Variants in TMEM131L observed in about 807,000 individuals in gnomAD.
The protein encoded by TMEM131L is transmembrane 131 like.
TMEM131L carries 54 observed loss-of-function variants against 192.2 expected under a neutral mutation model. The ratio of observed to expected loss-of-function variants is 0.28; its 90% CI spans 0.23 to 0.35. The LOEUF is 0.35. TMEM131L is among the 10% of genes least tolerant of loss of function. The pLI, the probability that TMEM131L is intolerant of heterozygous loss-of-function variation, is 1.00. For synonymous variants in TMEM131L, 701 were observed against 704.9 expected, an observed-to-expected ratio of 0.99 and a Z score of 0.09; for missense variants, 1,888 against 1,972.9, an observed-to-expected ratio of 0.96 and a Z score of 0.82.
rs976445928 is a variant in TMEM131L at position 153,466,395 on chromosome 4, A to G, written c.-3A>G. 5.4e-5 allele frequency: 72 copies of G among 1,322,602 alleles called. 1 individual carries two copies. The highest frequency in any genetic ancestry group is 6.4e-5 in the Non-Finnish European group (66 of 1,032,426). The allele number at this position is 1,322,602 out of a possible 1,614,324, so 81.9% of individuals were successfully genotyped here. On this transcript the variant is annotated 5_prime_UTR_variant, in exon 1 of 35. Transcript: ENST00000409959. ...AGCAACGGAGAGGAGCGCGAGCAGC[A>G]GCATGGCGGGGCTCCGACGCCCGCA...
rs765991460 is a variant in TMEM131L, at chr4:153,636,563, G to C, written c.4820G>C (p.Cys1607Ser). Reference protein sequence around the residue: ...NFPLSRDSSYCGNV With the variant: ...NFPLSRDSSYSGNV ...CCACTGTCTAGAGACTCGAGTTACT[G>C]TGGGAATGTGTGAAAATAATTGGAT... The change falls in exon 35 of 35, where the codon TGT (cysteine) becomes TCT (serine). Residue 1607 changes from cysteine to serine, a missense_variant. Physicochemically the swap from Cys to Ser is moderately radical, Grantham distance 112 (BLOSUM62 -1). Coordinates refer to ENST00000409959, the MANE Select transcript of TMEM131L (RefSeq NM_001131007.2). 1 of 1,610,696 alleles carries C rather than the reference G, an allele frequency of 6.2e-7. No homozygotes were observed. Among genetic ancestry groups the C allele is most frequent in the South Asian group, 1.1e-5 (1 of 90,896 alleles).
intron 11 of TMEM131L, among the ~76,000 whole-genome samples, chr4:153,583,950 GAGTCT>G (rs1310973696): frequency 6.6e-6 from 1 of 152,236 alleles, no homozygotes; most frequent in Non-Finnish European, 1.5e-5. Context: ...TTTTTGACAG[GAGTCT>G]ATGCAGGCTG....
rs372748910 is a variant in TMEM131L at position 153,581,416 on chromosome 4, C to G, written c.748C>G (p.Leu250Val). ...CTCCTTCCAACCATAGGGTTGTTAT[C>G]TGGAATCTGATGATGTTTTGCGTCT... ...KVCQQLKGCY[L>V]ESDDVLRLQM... The change falls in exon 9 of 35, where the codon CTG becomes GTG. Residue 250 changes from leucine (L) to valine (V), a missense_variant. Leu to Val is a conservative substitution (Grantham distance 32). Transcript: ENST00000409959. The G allele has an allele frequency of 6.5e-7, 1 of 1,548,144 alleles. No homozygotes were observed. Among genetic ancestry groups the G allele is most frequent in the African/African-American group, 1.4e-5 (1 of 71,850 alleles).
chr4:153,510,592 G>T (rs1272339843), intron 3 of TMEM131L, among the ~76,000 whole-genome samples: 1 of 152,178 alleles, frequency 6.6e-6, no homozygotes, highest in Non-Finnish European at 1.5e-5. Flanking sequence ...TTTGCATTCA[G>T]TAAAATTGGG....
intron 7 of TMEM131L, among the ~76,000 whole-genome samples, chr4:153,566,137 CTTTT>C (rs774119161): frequency 7.0e-6 from 1 of 142,788 alleles, no homozygotes; most frequent in Admixed American, 7.0e-5. Flanking sequence ...ATGTGGGAAA[CTTTT>C]TTTTTTTTTT....
Position 153,620,769 on chromosome 4 carries a change from A to G in TMEM131L, c.3581A>G (p.Tyr1194Cys), listed in dbSNP as rs1399020102. ...DIPFVEQEDPYRKKKLQEKRE... is the reference protein window; with the variant it reads ...DIPFVEQEDPCRKKKLQEKRE... ...TCTCTTCTTTAGCAAGAAGATCCTT[A>G]TAGGAAGAAAAAGCTTCAGGAGAAA... Residue 1194 changes from tyrosine (Y) to cysteine (C), a missense_variant, in exon 27 of 35, where the codon TAT becomes TGT. Coordinates refer to ENST00000409959, the MANE Select transcript of TMEM131L (RefSeq NM_001131007.2). 6.5e-7 allele frequency: 1 copy of G among 1,532,290 alleles called. No homozygotes were observed. The highest frequency in any genetic ancestry group is 8.9e-7 in the Non-Finnish European group (1 of 1,120,322). The allele number at this position is 1,532,290 out of a possible 1,614,324, so 94.9% of individuals were successfully genotyped here.
chr4:153,498,209 GT>G (rs1324546962), intron 3 of TMEM131L, among the ~76,000 whole-genome samples: 2 of 152,194 alleles, frequency 1.3e-5, no homozygotes, highest in East Asian at 3.9e-4. Context: ...AGAGCCAGGG[GT>G]TTGGGGGAGT....
At chr4:153,469,181 C>G (rs549154542) in intron 2 of TMEM131L, among the ~76,000 whole-genome samples, 1 of 152,262 alleles carries the variant, frequency 6.6e-6, no homozygotes, top group South Asian at 2.1e-4. Flanking sequence ...TATAGCTAAG[C>G]TATTTTAATC....
In TMEM131L at chr4:153,586,289, T is replaced by G. The variant is rs751929693; in HGVS notation, c.1392T>G (p.Ile464Met). The change falls in exon 14 of 35, where the codon ATT becomes ATG. Residue 464 changes from isoleucine to methionine, a missense_variant. By Grantham distance (10) the Ile-to-Met change is conservative (BLOSUM62 1). Transcript: ENST00000409959. ...IFSLKLAVKD[I>M]AINLFTNVFL... ...CTTTGAAACTTGCTGTTAAAGACATTGCCATAAATCTATTCACCAATGTAT... is the reference window on the plus strand; with the variant it reads ...CTTTGAAACTTGCTGTTAAAGACATGGCCATAAATCTATTCACCAATGTAT... 6 of 1,604,752 alleles carry G rather than the reference T, an allele frequency of 3.7e-6. No homozygotes were observed. The East Asian group carries it at 1.4e-4, about 36-fold the overall frequency.
intron 31 of TMEM131L, among the ~76,000 whole-genome samples, chr4:153,630,193 T>A (rs1046206101): frequency 6.6e-6 from 1 of 152,238 alleles, no homozygotes; most frequent in Admixed American, 6.5e-5. Context: ...GATTTTCACA[T>A]GCGTACATCA....
intron 3 of TMEM131L, among the ~76,000 whole-genome samples, chr4:153,488,828 C>A (rs1406095666): frequency 1.3e-5 from 2 of 152,210 alleles, no homozygotes; most frequent in African/African-American, 4.8e-5. Context: ...TCCGCCCTCG[C>A]CTTTTCCTAG....
At position 153,603,870 on chromosome 4, in the gene TMEM131L, C is replaced by T; in HGVS notation, c.2858C>T (p.Pro953Leu). The change falls in exon 25 of 35, where the codon CCA becomes CTA. Residue 953 changes from proline (P) to leucine (L), a missense_variant. Physicochemically the swap from Pro to Leu is moderately conservative, Grantham distance 98 (BLOSUM62 -3). Transcript: ENST00000409959. ...SDKGRGKNCLPVNTPQSRIQN... is the reference protein window; with the variant it reads ...SDKGRGKNCLLVNTPQSRIQN... ...AAAGGCAGGGGGAAGAACTGCCTTCCAGTGAACACTCCCCAAAGCAGGATC... is the reference window on the plus strand; with the variant it reads ...AAAGGCAGGGGGAAGAACTGCCTTCTAGTGAACACTCCCCAAAGCAGGATC... 1.2e-6 allele frequency: 2 copies of T among 1,613,910 alleles called. No homozygotes were observed. Among genetic ancestry groups the T allele is most frequent in the Admixed American group, 1.7e-5 (1 of 59,976 alleles).
chr4:153,580,847 C>T lies in TMEM131L; in HGVS notation c.682C>T (p.Leu228Phe), dbSNP rs372968906. ...TTAGGCAGAAACCACTAATACTAGC[C>T]TCTTGCAGGTGCAACTGGAATGCAG... ...QMQAETTNTS[L>F]LQVQLECSLH... is the part of the protein sequence containing the mutation. Residue 228 changes from leucine to phenylalanine, a missense_variant, in exon 8 of 35, where the codon CTC (leucine) becomes TTC (phenylalanine). Physicochemically the swap from Leu to Phe is conservative, Grantham distance 22. Coordinates refer to ENST00000409959, the MANE Select transcript of TMEM131L (RefSeq NM_001131007.2). 6.2e-7 allele frequency: 1 copy of T among 1,612,304 alleles called. No individual in the cohort carries two copies. Among genetic ancestry groups the T allele is most frequent in the African/African-American group, 1.3e-5 (1 of 74,854 alleles).
intron 33 of TMEM131L, 164 bp downstream of exon 33, chr4:153,634,444 GC>G (rs1227404662): frequency 1.0e-4 from 59 of 569,192 alleles, no homozygotes; most frequent in African/African-American, 9.7e-4. Context: ...GTGCACTGAT[GC>G]CATATATAAT....
chr4:153,612,523 A>ATG (rs886351985), intron 26 of TMEM131L, 123 bp downstream of exon 26: 3 of 705,290 alleles, frequency 4.3e-6, no homozygotes, highest in Non-Finnish European at 4.5e-6. Context: ...GGTGAGTTTG[A>ATG]TGTGTGTGTG....
chr4:153,537,783 C>T (rs1349258499), intron 3 of TMEM131L, among the ~76,000 whole-genome samples: 2 of 152,202 alleles, frequency 1.3e-5, no homozygotes, highest in South Asian at 2.1e-4. Context: ...GTTTCAGCCT[C>T]GTTTTACCCA....
chr4:153,580,757 ATTGT>A, intron 7 of TMEM131L, 65 bp from the exon 8 acceptor site: 1 of 843,614 alleles, frequency 1.2e-6, no homozygotes, highest in South Asian at 1.5e-5. Context: ...TACTTGATAA[ATTGT>A]TTATTATTAG....
intron 7 of TMEM131L, among the ~76,000 whole-genome samples, chr4:153,569,407 TG>T (rs1164704975): frequency 6.6e-6 from 1 of 152,224 alleles, no homozygotes; most frequent in Non-Finnish European, 1.5e-5. Flanking sequence ...ACTAATAATC[TG>T]CCCCAAGGCC....
At chr4:153,589,108 C>T in intron 16 of TMEM131L, 101 bp downstream of exon 16, 2 of 666,054 alleles carry the variant, frequency 3.0e-6, no homozygotes, top group Non-Finnish European at 5.4e-6. Flanking sequence ...CCCCTCTCAC[C>T]CCACCGTAGA....
Sources: allele counts gnomAD v4.1 joint callset (sites outside exome capture counted in the v4.1 genomes callset), GRCh38; gene constraint gnomAD v4.1.1; transcripts MANE v1.5; gene names NCBI Gene and HGNC (gene_info 2026-07-23, HGNC 2026-07-21).